C4BPA: variants seen among roughly 807,000 people sequenced by gnomAD.
The protein encoded by C4BPA is C4b-binding protein alpha chain.
C4BPA carries 31 observed loss-of-function variants against 63.7 expected under a neutral mutation model. That is an observed-to-expected ratio of 0.49 (90% CI 0.37 to 0.66). C4BPA has a LOEUF of 0.66. C4BPA is among the 30% of genes least tolerant of loss of function. The pLI, the probability that C4BPA is intolerant of heterozygous loss-of-function variation, is 0.00. For synonymous variants in C4BPA, 259 were observed against 254.7 expected (o/e 1.02, Z -0.16); for missense variants, 572 against 723.3 (o/e 0.79, Z 2.40).
At chr1:207,106,540 CAG>C (rs1684566373) in intron 1 of C4BPA, among the ~76,000 whole-genome samples, 2 of 129,774 alleles carry the variant, frequency 1.5e-5, no homozygotes, top group South Asian at 2.5e-4. Flanking sequence ...CCCGGGTTCA[CAG>C]GCCATTCTCC....
At chr1:207,111,676 C>T (rs1353409127) in intron 1 of C4BPA, among the ~76,000 whole-genome samples, 3 of 151,172 alleles carry the variant, frequency 2.0e-5, no homozygotes, top group African/African-American at 7.4e-5. Context: ...AGGGACTGAA[C>T]ATTACCTTAG....
intron 7 of C4BPA, among the ~76,000 whole-genome samples, chr1:207,129,397 T>A (rs1685114489): frequency 2.7e-5 from 3 of 112,858 alleles, no homozygotes; most frequent in Admixed American, 9.9e-5. Context: ...TGGCTGAAAA[T>A]ATCACAAATT....
chr1:207,116,025 A>G (rs1439734463), intron 4 of C4BPA, among the ~76,000 whole-genome samples: 1 of 152,326 alleles, frequency 6.6e-6, no homozygotes, highest in East Asian at 1.9e-4. Context: ...ATATGTAGTT[A>G]CATCTGCAGG....
intron 1 of C4BPA, among the ~76,000 whole-genome samples, chr1:207,107,314 G>A (rs531683457): frequency 1.3e-5 from 2 of 152,302 alleles, no homozygotes; most frequent in East Asian, 1.9e-4. Context: ...TTGGGAGGCC[G>A]AGGTGGGAGG....
chr1:207,141,087 T>G lies in C4BPA; in HGVS notation c.1274-19T>G. ...CTTTACAAACTAATGCTCTCTCACT[T>G]TTTTGTCTCTCCCTCAAGTTTGCAA... is the stretch of plus-strand genomic sequence containing the variant. On this transcript the variant is annotated intron_variant, in intron 9 of 11. Transcript: ENST00000367070. 6.3e-7 allele frequency: 1 copy of G among 1,599,024 alleles called. No homozygotes were observed. Among genetic ancestry groups the G allele is most frequent in the East Asian group, 2.2e-5 (1 of 44,668 alleles).
At chr1:207,118,213 G>GTCTATCTATCTA (rs35838980) in intron 4 of C4BPA, among the ~76,000 whole-genome samples, 35,412 of 137,288 alleles carry the variant, frequency 0.26, 4,855 homozygotes, top group Admixed American at 0.28. Context: ...TCTATCATCT[G>GTCTATCTATCTA]TCTATCTATC....
At chr1:207,112,101 TA>T (rs879630368) in intron 1 of C4BPA, among the ~76,000 whole-genome samples, 31 of 147,550 alleles carry the variant, frequency 2.1e-4, no homozygotes, top group Middle Eastern at 3.4e-3. Context: ...TGATGAAGAT[TA>T]AAAAAAAAAG....
intron 1 of C4BPA, chr1:207,112,779 C>T: frequency 4.4e-6 from 2 of 453,202 alleles, no homozygotes; most frequent in Admixed American, 4.4e-5. Flanking sequence ...AAGCCCACTC[C>T]CTCCCTCCAC....
At chr1:207,116,985 C>T (rs982450453) in intron 4 of C4BPA, among the ~76,000 whole-genome samples, 1 of 152,080 alleles carries the variant, frequency 6.6e-6, no homozygotes, top group African/African-American at 2.4e-5. Context: ...TTTATGTATG[C>T]GTTTCACAGT....
chr1:207,116,514 A>ATG (rs1331801553), intron 4 of C4BPA, among the ~76,000 whole-genome samples: 1 of 33,776 alleles, frequency 3.0e-5, no homozygotes, highest in African/African-American at 8.2e-5. Context: ...GTGTGTGTGT[A>ATG]TATGTGTGTG....
intron 4 of C4BPA, among the ~76,000 whole-genome samples, chr1:207,122,991 C>T (rs1013048261): frequency 2.0e-5 from 3 of 152,134 alleles, no homozygotes; most frequent in African/African-American, 7.2e-5. Context: ...TTTCTCTTAT[C>T]TTTTCCGTTT....
chr1:207,140,462 A>G lies in C4BPA; in HGVS notation c.1274-644A>G, dbSNP rs377538539. On this transcript the variant is annotated intron_variant, in intron 9 of 11. Coordinates refer to ENST00000367070, the MANE Select transcript of C4BPA (RefSeq NM_000715.4). ...GTAGTACTTATAACTGCCATAGTCC[A>G]CTGGTATAGTACTTTGTCCGACATT... 1.7e-4 allele frequency among the ~76,000 whole-genome samples: 26 copies of G among 149,444 alleles called. No homozygotes were observed. The South Asian group carries it at 4.9e-3, about 28-fold the overall frequency.
chr1:207,122,837 G>T (rs1217125886), intron 4 of C4BPA, among the ~76,000 whole-genome samples: 1 of 152,158 alleles, frequency 6.6e-6, no homozygotes, highest in African/African-American at 2.4e-5. Flanking sequence ...GCGTCCCAAA[G>T]TACTGGTATT....
intron 9 of C4BPA, among the ~76,000 whole-genome samples, chr1:207,138,721 G>A (rs1178152381): frequency 6.6e-6 from 1 of 152,160 alleles, no homozygotes; most frequent in Non-Finnish European, 1.5e-5. Context: ...CTATGGGTTG[G>A]AGCAGTAACC....
intron 1 of C4BPA, among the ~76,000 whole-genome samples, chr1:207,108,657 A>T (rs1282298496): frequency 2.0e-5 from 3 of 152,240 alleles, no homozygotes; most frequent in African/African-American, 7.2e-5. Context: ...AATTGAATTT[A>T]TGGAGCATGG....
At chr1:207,129,752 C>A (rs1685122509) in intron 7 of C4BPA, among the ~76,000 whole-genome samples, 1 of 152,094 alleles carries the variant, frequency 6.6e-6, no homozygotes, top group Non-Finnish European at 1.5e-5. Flanking sequence ...ACAAACTGCA[C>A]AATAAATTTT....
chr1:207,134,995 C>T (rs992831319), intron 9 of C4BPA, among the ~76,000 whole-genome samples: 29 of 152,166 alleles, frequency 1.9e-4, no homozygotes, highest in Non-Finnish European at 8.8e-5. Context: ...TCTGAGCCCT[C>T]CAGTCAGACC....
intron 4 of C4BPA, among the ~76,000 whole-genome samples, chr1:207,119,801 T>C (rs115342040): frequency 0.045 from 1,372 of 30,286 alleles, 396 homozygotes; most frequent in Middle Eastern, 0.14. Context: ...ACTTTTATGG[T>C]CCTTGTTTAT....
intron 4 of C4BPA, among the ~76,000 whole-genome samples, chr1:207,117,307 C>T (rs4844572): frequency 0.6 from 90,231 of 151,544 alleles, 27,779 homozygotes; most frequent in East Asian, 0.73. Flanking sequence ...AAACATTAGC[C>T]GAGTGTGGTA....
Sources: gnomAD v4.1 joint callset for allele counts (sites outside exome capture counted in the v4.1 genomes callset) on GRCh38, gnomAD v4.1.1 for gene constraint, MANE v1.5 for transcripts, NCBI Gene and HGNC (gene_info 2026-07-23, HGNC 2026-07-21) for gene names.